WAC: variants seen among roughly 807,000 people sequenced by gnomAD.
The protein encoded by WAC is WW domain containing adaptor with coiled-coil, also known as WW domain-containing adapter protein with coiled-coil.
Under a neutral mutation model 79.6 loss-of-function variants are expected in WAC, and 11 were observed. That is an observed-to-expected ratio of 0.14 (90% CI 0.09 to 0.23). The LOEUF is 0.23. WAC is among the 10% of genes least tolerant of loss of function. The pLI is 1.00. For missense variants in WAC, 728 were observed against 773.5 expected (o/e 0.94, Z 0.70); for synonymous variants, 304 against 276.9 (o/e 1.10, Z -0.97).
chr10:28,616,479 T>C, intron 12 of WAC, 117 bp downstream of exon 12: 10 of 879,058 alleles, frequency 1.1e-5, no homozygotes, highest in Non-Finnish European at 1.4e-5. Flanking sequence ...ATAATGAATC[T>C]CTAACTTTGT....
intron 3 of WAC, among the ~76,000 whole-genome samples, chr10:28,541,400 G>T (rs1323126143): frequency 1.1e-4 from 13 of 115,268 alleles, no homozygotes; most frequent in African/African-American, 4.0e-4. Context: ...TTTTTGTGGG[G>T]TTGTGTGTGT....
chr10:28,583,500 G>C lies in WAC; in HGVS notation c.376G>C (p.Asp126His), dbSNP rs750794271. The part of the protein sequence containing the change: ...NPSNNPSKTS[D>H]APYDSADDWS... ...AAGCAATAACCCAAGCAAAACTTCA[G>C]ATGCAGTAAGTATTATAAACATGTC... is the stretch of plus-strand genomic sequence containing the variant. Residue 126 changes from aspartate to histidine, a missense_variant, in exon 4 of 14, where the codon GAT becomes CAT. By Grantham distance (81) the Asp-to-His change is moderately conservative. Transcript: ENST00000354911. 1.3e-6 allele frequency: 2 copies of C among 1,541,760 alleles called. No homozygotes were observed. The highest frequency in any genetic ancestry group is 3.0e-5 in the African/African-American group (2 of 67,274).
chr10:28,556,035 C>T (rs753064782), intron 3 of WAC, among the ~76,000 whole-genome samples: 1 of 152,138 alleles, frequency 6.6e-6, no homozygotes, highest in Non-Finnish European at 1.5e-5. Context: ...GGATGAGAAC[C>T]CTGATCAGAT....
At chr10:28,567,043 C>T (rs1251141628) in intron 3 of WAC, among the ~76,000 whole-genome samples, 2 of 147,562 alleles carry the variant, frequency 1.4e-5, no homozygotes, top group African/African-American at 5.0e-5. Flanking sequence ...ACATTTTTGT[C>T]TTATGTGCTT....
chr10:28,565,542 T>G (rs1183344541), intron 3 of WAC, among the ~76,000 whole-genome samples: 2 of 152,282 alleles, frequency 1.3e-5, no homozygotes, highest in African/African-American at 4.8e-5. Flanking sequence ...CCAGCTCTGC[T>G]TAATGTTCTA....
intron 3 of WAC, among the ~76,000 whole-genome samples, chr10:28,551,784 T>TTTGTGTG (rs3222049): frequency 8.0e-6 from 1 of 124,808 alleles, no homozygotes; most frequent in Non-Finnish European, 1.6e-5. Context: ...TCCTGTCTAC[T>TTTGTGTG]TGTGTGTGTG....
chr10:28,573,457 A>G (rs1406599816), intron 3 of WAC, among the ~76,000 whole-genome samples: 3 of 152,202 alleles, frequency 2.0e-5, no homozygotes, highest in Admixed American at 6.5e-5. Context: ...ATTGTTTTAC[A>G]TATCAGTACT....
intron 7 of WAC, among the ~76,000 whole-genome samples, chr10:28,599,616 G>C (rs144074234): frequency 0.012 from 1,800 of 152,284 alleles, 34 homozygotes; most frequent in African/African-American, 0.041. Flanking sequence ...GTTTGTGTAT[G>C]TGTTGTGCAT....
At chr10:28,571,360 CTTTAG>C (rs1478777922) in intron 3 of WAC, among the ~76,000 whole-genome samples, 2 of 152,262 alleles carry the variant, frequency 1.3e-5, no homozygotes, top group South Asian at 4.1e-4. Flanking sequence ...TCTGTTCTTT[CTTTAG>C]TTTAGTATCC....
chr10:28,603,961 G>GTATATATATATATATA (rs71391054), intron 7 of WAC, among the ~76,000 whole-genome samples: 5 of 20,906 alleles, frequency 2.4e-4, no homozygotes, highest in African/African-American at 8.5e-4. Context: ...ATGTATGTAT[G>GTATATATATATATATA]TATATATATA....
At chr10:28,603,050 G>A (rs1253729871) in intron 7 of WAC, among the ~76,000 whole-genome samples, 3 of 152,134 alleles carry the variant, frequency 2.0e-5, no homozygotes, top group African/African-American at 2.4e-5. Context: ...AATATCCTTT[G>A]AAAGATCATA....
In WAC at chr10:28,622,185, A is replaced by T. The variant is rs1462578861; in HGVS notation, c.*2579A>T. 3 of 152,132 alleles carry T rather than the reference A, an allele frequency of 2.0e-5. No homozygotes were observed. Among genetic ancestry groups the T allele is most frequent in the African/African-American group, 7.2e-5 (3 of 41,446 alleles). The allele number at this position is 152,132 out of a possible 1,614,324, so 9.4% of individuals were successfully genotyped here. The stretch of plus-strand genomic sequence containing the variant: ...AGCCACCGCTCCTGGCCAGTAGTGA[A>T]TTTTTAAACACAGAAAATCTAAAAT... On this transcript the variant is annotated 3_prime_UTR_variant, in exon 14 of 14. Transcript: ENST00000354911.
At chr10:28,547,342 C>T (rs1440871857) in intron 3 of WAC, among the ~76,000 whole-genome samples, 2 of 152,146 alleles carry the variant, frequency 1.3e-5, no homozygotes, top group African/African-American at 4.8e-5. Flanking sequence ...AGAGACCAGC[C>T]TGGCCAACAT....
intron 4 of WAC, chr10:28,589,534 T>G: frequency 3.3e-6 from 1 of 300,942 alleles, no homozygotes; most frequent in Non-Finnish European, 6.1e-6. Flanking sequence ...TTCTGCTTAA[T>G]TTTGATATTT....
intron 3 of WAC, among the ~76,000 whole-genome samples, chr10:28,556,875 T>G (rs1453944281): frequency 2.0e-5 from 3 of 152,154 alleles, no homozygotes; most frequent in Non-Finnish European, 4.4e-5. Flanking sequence ...CGTGGAAGCA[T>G]GGGTTTATTT....
intron 3 of WAC, among the ~76,000 whole-genome samples, chr10:28,559,628 A>G (rs1337383060): frequency 1.3e-5 from 2 of 152,182 alleles, no homozygotes; most frequent in African/African-American, 4.8e-5. Flanking sequence ...AGGATGTTTG[A>G]TGGCAGTTCC....
At chr10:28,551,784 T>TTGTGTG (rs71769370) in intron 3 of WAC, among the ~76,000 whole-genome samples, 11,806 of 124,644 alleles carry the variant, frequency 0.095, 600 homozygotes, top group South Asian at 0.11. Flanking sequence ...TCCTGTCTAC[T>TTGTGTG]TGTGTGTGTG....
intron 3 of WAC, among the ~76,000 whole-genome samples, chr10:28,569,566 A>G (rs1269749376): frequency 2.0e-5 from 3 of 152,180 alleles, no homozygotes; most frequent in Non-Finnish European, 4.4e-5. Context: ...TTATGATTGA[A>G]TCTGTTTCTG....
chr10:28,557,791 G>C (rs1393628124), intron 3 of WAC, among the ~76,000 whole-genome samples: 1 of 152,124 alleles, frequency 6.6e-6, no homozygotes, highest in Non-Finnish European at 1.5e-5. Flanking sequence ...AATACTCTTA[G>C]GGGTCAGGCT....
Sources: allele counts gnomAD v4.1 joint callset (sites outside exome capture counted in the v4.1 genomes callset), GRCh38; gene constraint gnomAD v4.1.1; transcripts MANE v1.5; gene names NCBI Gene and HGNC (gene_info 2026-07-23, HGNC 2026-07-21).